Variants in AGBL1 observed in about 807,000 individuals in gnomAD.
AGBL1 encodes the protein AGBL carboxypeptidase 1, also known as cytosolic carboxypeptidase 4.
AGBL1 carries 130 observed loss-of-function variants against 118.9 expected under a neutral mutation model. That is an observed-to-expected ratio of 1.09 (90% CI 0.95 to 1.26). The LOEUF (loss-of-function observed/expected upper bound fraction) is 1.26, where lower values mean the gene tolerates loss of function less well. Ranked by LOEUF, AGBL1 falls within the 50% of genes most tolerant of loss-of-function variation. The pLI is 0.00. For synonymous variants in AGBL1, 555 were observed against 478.9 expected (o/e 1.16, Z -2.08); for missense variants, 1,584 against 1,298.1 (o/e 1.22, Z -3.38).
At chr15:86,593,097 C>T (rs2084360481) in intron 21 of AGBL1, among the ~76,000 whole-genome samples, 2 of 152,108 alleles carry the variant, frequency 1.3e-5, no homozygotes, top group Admixed American at 6.6e-5. Context: ...TATAGTCTAC[C>T]AGTGTCATTA....
chr15:86,980,717 T>C lies in AGBL1; in HGVS notation c.3222-7270T>C, dbSNP rs147575430. Among the ~76,000 whole-genome samples the C allele has an allele frequency of 4.1e-4, 62 of 152,208 alleles. No individual in the cohort carries two copies. In the East Asian group the frequency reaches 8.3e-3, roughly 20 times the overall value. ...ATACTAAATAGAGTCTTGCATCATG[T>C]TTTTTCATTAAATATTGAGTTCTCA... On this transcript the variant is annotated intron_variant, in intron 23 of 24. Transcript: ENST00000441037.
At chr15:86,614,863 C>T (rs2084700580) in intron 21 of AGBL1, among the ~76,000 whole-genome samples, 1 of 152,290 alleles carries the variant, frequency 6.6e-6, no homozygotes, top group South Asian at 2.1e-4. Context: ...AGAGAAGAGA[C>T]AATTAACAGT....
In AGBL1 at chr15:86,517,876, C is replaced by T. The variant is rs114329614; in HGVS notation, c.2556-4934C>T. ...AGTGTCTGGCCGATAGTCCCCCATG[C>T]TCTTCGTCGTGTTCTTGAAGCTTTC... On this transcript the variant is annotated intron_variant, in intron 18 of 22. Transcript: ENST00000614907. Among the ~76,000 whole-genome samples, 737 of 152,316 alleles carry T rather than the reference C, an allele frequency of 4.8e-3. 8 individuals carry two copies. The highest frequency in any genetic ancestry group is 0.017 in the African/African-American group (703 of 41,578).
intron 24 of AGBL1, among the ~76,000 whole-genome samples, chr15:87,008,237 G>C (rs1164865236): frequency 2.0e-5 from 3 of 152,186 alleles, no homozygotes; most frequent in Non-Finnish European, 4.4e-5. Context: ...ATTCCCATGT[G>C]TTGTGGGAGG....
intron 22 of AGBL1, among the ~76,000 whole-genome samples, chr15:86,700,271 T>C (rs1249317398): frequency 6.6e-6 from 1 of 152,046 alleles, no homozygotes; most frequent in Non-Finnish European, 1.5e-5. Context: ...GGCTGTTGTA[T>C]CCTTTTGTTA....
At position 87,000,053 on chromosome 15, in the gene AGBL1, C is replaced by T. The variant is rs1277385167; in HGVS notation, c.3323+11965C>T. On this transcript the variant is annotated intron_variant, in intron 24 of 24. Transcript: ENST00000441037. The stretch of plus-strand genomic sequence containing the variant: ...TGGAGAAGTGTCTGTTCATGTCCTT[C>T]GCCCACTTTTTGATGGGGTTGTTTG... Among the ~76,000 whole-genome samples the T allele has an allele frequency of 8.0e-3, 664 of 83,224 alleles. 50 individuals carry two copies. The highest frequency in any genetic ancestry group is 0.027 in the African/African-American group (609 of 22,878). The allele number at this position is 83,224 out of a possible 152,430, so 54.6% of individuals were successfully genotyped here.
At chr15:86,629,656 T>G (rs2084936084) in intron 21 of AGBL1, among the ~76,000 whole-genome samples, 1 of 152,244 alleles carries the variant, frequency 6.6e-6, no homozygotes, top group Non-Finnish European at 1.5e-5. Context: ...TTTTTATGTT[T>G]GCATTTAGTC....
chr15:86,966,513 C>T (rs2081054531), intron 23 of AGBL1, among the ~76,000 whole-genome samples: 2 of 151,976 alleles, frequency 1.3e-5, no homozygotes, highest in Admixed American at 6.6e-5. Flanking sequence ...GTGTGATGTT[C>T]CCCTTCCTGT....
chr15:86,474,740 C>T (rs918595666), intron 18 of AGBL1, among the ~76,000 whole-genome samples: 7 of 152,206 alleles, frequency 4.6e-5, no homozygotes, highest in African/African-American at 1.7e-4. Context: ...GTTCTCCCAG[C>T]ATGGAGGTTG....
rs1423946213 is a variant in AGBL1 at position 86,120,096 on chromosome 15, A to C, written c.52-21908A>C. On this transcript the variant is annotated intron_variant, in intron 1 of 22. Transcript: ENST00000614907. ...CAAAGCCTCAAATATAGAGGCTGCC[A>C]TTGCCTATAGGATAAAATCTAAACT... Among the ~76,000 whole-genome samples, 3 of 152,132 alleles carry C rather than the reference A, an allele frequency of 2.0e-5. No individual in the cohort carries two copies. In the East Asian group the frequency reaches 5.8e-4, roughly 29 times the overall value.
chr15:86,244,063 G>GTAAATAAATAAATAAA (rs10667570), intron 6 of AGBL1, among the ~76,000 whole-genome samples: 44 of 143,898 alleles, frequency 3.1e-4, no homozygotes, highest in South Asian at 1.1e-3. Context: ...AGATAAATAA[G>GTAAATAAATAAATAAA]TAAATAAATA....
intron 22 of AGBL1, among the ~76,000 whole-genome samples, chr15:86,715,086 C>T (rs1288410620): frequency 6.6e-6 from 1 of 152,158 alleles, no homozygotes; most frequent in African/African-American, 2.4e-5. Flanking sequence ...GGAATGTAAT[C>T]TGCTTTTAGG....
chr15:86,925,534 A>G (rs12909889), intron 23 of AGBL1, among the ~76,000 whole-genome samples: 103,839 of 151,824 alleles, frequency 0.68, 36,388 homozygotes, highest in South Asian at 0.89. Context: ...GCTCTCCTTT[A>G]TATCTCAGAG....
intron 21 of AGBL1, among the ~76,000 whole-genome samples, chr15:86,668,491 G>T (rs1164116246): frequency 6.6e-6 from 1 of 151,990 alleles, no homozygotes; most frequent in African/African-American, 2.4e-5. Context: ...TCCTATTTCT[G>T]GCAGTAAATC....
intron 22 of AGBL1, among the ~76,000 whole-genome samples, chr15:86,710,178 G>GAA (rs34667412): frequency 3.9e-5 from 6 of 151,958 alleles, no homozygotes; most frequent in Non-Finnish European, 5.9e-5. Context: ...GCTGAACTTA[G>GAA]AAAAAAATGT....
At chr15:86,352,141 T>C (rs903428490) in intron 17 of AGBL1, among the ~76,000 whole-genome samples, 3 of 152,210 alleles carry the variant, frequency 2.0e-5, no homozygotes, top group African/African-American at 7.2e-5. Context: ...AGTTCCTGGT[T>C]CTTAACAGCC....
chr15:86,173,717 T>C (rs970301555), intron 5 of AGBL1, among the ~76,000 whole-genome samples: 1 of 152,234 alleles, frequency 6.6e-6, no homozygotes, highest in East Asian at 1.9e-4. Context: ...CCCCAAAGGA[T>C]GTTGTTGGTG....
At chr15:86,669,065 G>A (rs960116346) in intron 21 of AGBL1, among the ~76,000 whole-genome samples, 5 of 151,998 alleles carry the variant, frequency 3.3e-5, no homozygotes, top group African/African-American at 1.2e-4. Context: ...GAAGAAAAGA[G>A]CGCTAACACC....
intron 18 of AGBL1, among the ~76,000 whole-genome samples, chr15:86,432,357 G>T (rs560994257): frequency 6.6e-6 from 1 of 152,072 alleles, no homozygotes. Flanking sequence ...GCAGTTTCTT[G>T]GACTTTGTTT....
Sources: allele counts gnomAD v4.1 joint callset (sites outside exome capture counted in the v4.1 genomes callset), GRCh38; gene constraint gnomAD v4.1.1; transcripts MANE v1.5; gene names NCBI Gene and HGNC (gene_info 2026-07-23, HGNC 2026-07-21).